SEMA4D: variants seen among roughly 807,000 people sequenced by gnomAD.
SEMA4D encodes the protein semaphorin 4D.
In SEMA4D, 22 loss-of-function variants were observed where a neutral mutation model predicts 74.8. The observed-to-expected ratio is 0.29, with a 90% CI of 0.21 to 0.42. The LOEUF is 0.42. Among genes scored for constraint, SEMA4D ranks in the 10% least tolerant of loss-of-function variants. SEMA4D has a pLI of 1.00. For synonymous variants in SEMA4D, 445 were observed against 463.7 expected, an observed-to-expected ratio of 0.96 and a Z score of 0.52; for missense variants, 937 against 1,118.4, an observed-to-expected ratio of 0.84 and a Z score of 2.31.
At chr9:89,468,675 AG>A (rs1859372109) in intron 1 of SEMA4D, among the ~76,000 whole-genome samples, 2 of 152,202 alleles carry the variant, frequency 1.3e-5, no homozygotes, top group African/African-American at 4.8e-5. Flanking sequence ...ACCCTGGAAA[AG>A]TGGTGAAAAT....
chr9:89,476,843 A>C (rs960870420), intron 1 of SEMA4D, among the ~76,000 whole-genome samples: 2 of 152,172 alleles, frequency 1.3e-5, no homozygotes, highest in Non-Finnish European at 2.9e-5. Context: ...CCATGACCAC[A>C]TGGCACCAAC....
chr9:89,420,524 T>C (rs1383273971), intron 2 of SEMA4D, among the ~76,000 whole-genome samples: 1 of 152,218 alleles, frequency 6.6e-6, no homozygotes, highest in Non-Finnish European at 1.5e-5. Context: ...CAGGAGAGTG[T>C]GGGGCTCCAA....
intron 1 of SEMA4D, among the ~76,000 whole-genome samples, chr9:89,487,533 T>A (rs1825286753): frequency 6.6e-6 from 1 of 151,934 alleles, no homozygotes. Flanking sequence ...GTCCTAGAAG[T>A]GAAAGAAAAG....
chr9:89,414,690 G>A (rs1845318363), intron 2 of SEMA4D, among the ~76,000 whole-genome samples: 1 of 152,200 alleles, frequency 6.6e-6, no homozygotes, highest in African/African-American at 2.4e-5. Flanking sequence ...ACAGTTTATT[G>A]TTCCAACTTC....
intron 1 of SEMA4D, among the ~76,000 whole-genome samples, chr9:89,457,516 C>T (rs1174790041): frequency 2.6e-5 from 4 of 150,976 alleles, no homozygotes; most frequent in East Asian, 2.0e-4. Context: ...ATGGGAGGAT[C>T]GCTTGGGCCC....
intron 6 of SEMA4D, among the ~76,000 whole-genome samples, chr9:89,393,891 C>G (rs1182566037): frequency 3.3e-5 from 5 of 152,222 alleles, no homozygotes; most frequent in African/African-American, 7.2e-5. Context: ...CCAAGCTTCT[C>G]AAGATCTCAG....
At chr9:89,383,468 A>G (rs780780373) in intron 13 of SEMA4D, among the ~76,000 whole-genome samples, 1 of 152,194 alleles carries the variant, frequency 6.6e-6, no homozygotes, top group East Asian at 1.9e-4. Context: ...ACACACCACA[A>G]AACACCAGAC....
chr9:89,450,773 A>G, intron 2 of SEMA4D: 2 of 1,073,006 alleles, frequency 1.9e-6, no homozygotes, highest in Middle Eastern at 3.1e-4. Flanking sequence ...CCATCTCCCC[A>G]GCTTGCTGCT....
chr9:89,437,722 G>A (rs142165254), intron 2 of SEMA4D, among the ~76,000 whole-genome samples: 10 of 152,266 alleles, frequency 6.6e-5, no homozygotes, highest in East Asian at 5.8e-4. Flanking sequence ...AGGTAGCAAC[G>A]TGACTTGAGC....
intron 18 of SEMA4D, among the ~76,000 whole-genome samples, chr9:89,363,270 C>CA (rs200671239): frequency 0.015 from 2,267 of 152,276 alleles, 26 homozygotes; most frequent in Non-Finnish European, 0.024. Flanking sequence ...TGGGATTTCC[C>CA]CCCCCAGTGT....
rs1363474562 is a variant in SEMA4D, at chr9:89,396,839, C to A, written c.316-4G>T. 1 of 1,612,286 alleles carries A rather than the reference C, an allele frequency of 6.2e-7. No individual in the cohort carries two copies. Among genetic ancestry groups the A allele is most frequent in the Non-Finnish European group, 8.5e-7 (1 of 1,179,006 alleles). On this transcript the variant is annotated splice_polypyrimidine_tract_variant and splice_region_variant and intron_variant, in intron 5 of 15. Transcript: ENST00000422704. ...GGATGTAGTTGAGGCACTCTGTCTGCAGGGAAGAGAAATGCACCATTAGCA... is the reference window on the plus strand; with the variant it reads ...GGATGTAGTTGAGGCACTCTGTCTGAAGGGAAGAGAAATGCACCATTAGCA...
rs761472127 is a variant in SEMA4D, at chr9:89,363,951, C to T, written c.1883-1G>A. The T allele has an allele frequency of 6.2e-7, 1 of 1,614,084 alleles. No individual in the cohort carries two copies. Among genetic ancestry groups the T allele is most frequent in the South Asian group, 1.1e-5 (1 of 91,084 alleles). On this transcript the variant is annotated splice_acceptor_variant, in intron 16 of 18. Transcript: ENST00000339861. LOFTEE classifies it high-confidence loss of function. ...CAGACAAAGCGAATGTCTGCAGGAC[C>T]TGGGGACACAGACCGTTTCCACCTC...
chr9:89,370,608 GTGTC>G (rs1217182342), intron 16 of SEMA4D, among the ~76,000 whole-genome samples: 14 of 151,268 alleles, frequency 9.3e-5, no homozygotes, highest in Admixed American at 5.3e-4. Context: ...TGTGGTATGT[GTGTC>G]TGGGATGTGT....
exon 17 of SEMA4D, chr9:89,363,787 T>C (rs908705388): frequency 2.5e-6 from 4 of 1,613,828 alleles, no homozygotes; most frequent in African/African-American, 1.3e-5. Context: ...TGTTCCCTGC[T>C]GAGGAGAGGA....
intron 1 of SEMA4D, among the ~76,000 whole-genome samples, chr9:89,461,725 C>T (rs1564876705): frequency 2.1e-5 from 1 of 46,974 alleles, no homozygotes; most frequent in Non-Finnish European, 4.7e-5. Context: ...TTTTTGGAGA[C>T]AGAGTCTCGC....
intron 2 of SEMA4D, chr9:89,449,875 T>C: frequency 6.7e-7 from 1 of 1,495,054 alleles, no homozygotes; most frequent in Non-Finnish European, 9.3e-7. Flanking sequence ...GGTGACTTGG[T>C]AAAAATTGAC....
rs769133217 is a variant in SEMA4D at position 89,482,474 on chromosome 9, C to T, written c.-310+15445G>A. ...TCTCAGCCCCAGCAGCAGAAGGCCCCGCAAAGCTCAGGATAACTGCACTGT... is the reference window on the plus strand; with the variant it reads ...TCTCAGCCCCAGCAGCAGAAGGCCCTGCAAAGCTCAGGATAACTGCACTGT... On this transcript the variant is annotated intron_variant, in intron 1 of 15. Transcript: ENST00000422704. Among the ~76,000 whole-genome samples, 75 of 152,214 alleles carry T rather than the reference C, an allele frequency of 4.9e-4. 1 individual carries two copies. Among genetic ancestry groups the T allele is most frequent in the African/African-American group, 1.5e-3 (61 of 41,454 alleles).
chr9:89,381,529 C>T lies in SEMA4D; in HGVS notation c.1447-183G>A. 1.9e-6 allele frequency: 1 copy of T among 528,866 alleles called. No individual in the cohort carries two copies. The highest frequency in any genetic ancestry group is 3.6e-5 in the Admixed American group (1 of 28,064). 32.8% of individuals were successfully genotyped at this position (528,866 alleles called of 1,614,324 possible). On this transcript the variant is annotated intron_variant, in intron 13 of 15. Coordinates refer to ENST00000422704, the MANE Select transcript of SEMA4D (RefSeq NM_001371194.2). The surrounding 1 kb of genome is among the most constrained non-coding windows in gnomAD (Gnocchi z 4.6). Reference sequence around the variant, plus strand: ...CAGGTCTGTGACCTTCCTGCAGAATCCACGTGCTATGTCAGGGCTCACTGG... The same window carrying T: ...CAGGTCTGTGACCTTCCTGCAGAATTCACGTGCTATGTCAGGGCTCACTGG...
chr9:89,371,937 G>C (rs1370016445), intron 16 of SEMA4D, among the ~76,000 whole-genome samples: 5 of 94,384 alleles, frequency 5.3e-5, no homozygotes, highest in Admixed American at 1.0e-4. Context: ...TGTGTGTGGG[G>C]TGTGGTGTGT....
Sources: gnomAD v4.1 joint callset for allele counts (sites outside exome capture counted in the v4.1 genomes callset) on GRCh38, gnomAD v4.1.1 for gene constraint, Gnocchi (gnomAD v3.1) non-coding constraint, MANE v1.5 for transcripts, NCBI Gene and HGNC (gene_info 2026-07-23, HGNC 2026-07-21) for gene names.